Variants in RIN3 observed in about 807,000 individuals in gnomAD.
RIN3 encodes the protein RAB5 interacting protein 3.
In RIN3, 54 loss-of-function variants were observed where a neutral mutation model predicts 76.3. That is an observed-to-expected ratio of 0.71 (90% confidence interval 0.57 to 0.89). The LOEUF (loss-of-function observed/expected upper bound fraction) is 0.89, where lower values mean the gene tolerates loss of function less well. Among genes scored for constraint, RIN3 ranks in the 40% least tolerant of loss-of-function variants. RIN3 has a pLI of 0.00. For synonymous variants in RIN3, 576 were observed against 564.0 expected (o/e 1.02, Z -0.30); for missense variants, 1,256 against 1,322.1 (o/e 0.95, Z 0.78).
At chr14:92,523,391 C>T (rs1199906967) in intron 1 of RIN3, among the ~76,000 whole-genome samples, 3 of 152,216 alleles carry the variant, frequency 2.0e-5, no homozygotes, top group African/African-American at 4.8e-5. Context: ...GGATTACAGG[C>T]GTGAGCCACC....
Position 92,648,243 on chromosome 14 carries a change from C to G in RIN3, c.533-3339C>G, listed in dbSNP as rs1887274686. The stretch of plus-strand genomic sequence containing the variant: ...AGAACTTTGCCCTGCCAGGGTTTGC[C>G]AGGGTGCAAACCCCAGGCCTGTCTT... On this transcript the variant is annotated intron_variant, in intron 5 of 9. Coordinates refer to ENST00000216487, the MANE Select transcript of RIN3 (RefSeq NM_024832.5). The surrounding 1 kb of genome is among the most constrained non-coding windows in gnomAD (Gnocchi z 4.1). Among the ~76,000 whole-genome samples, 1 of 152,112 alleles carries G rather than the reference C, an allele frequency of 6.6e-6. No homozygotes were observed. Among genetic ancestry groups the G allele is most frequent in the Non-Finnish European group, 1.5e-5 (1 of 68,020 alleles).
intron 5 of RIN3, chr14:92,645,197 G>C (rs1250715737): frequency 3.3e-5 from 5 of 152,228 alleles, no homozygotes; most frequent in Admixed American, 6.5e-5. Flanking sequence ...TCTTCATTCA[G>C]ATTGTCCAAG....
chr14:92,639,967 TGTTCGTCGGGGGCTGCCTGACTGTGC>T (rs1216008263), intron 4 of RIN3, among the ~76,000 whole-genome samples: 1 of 148,936 alleles, frequency 6.7e-6, no homozygotes, highest in East Asian at 2.0e-4. Context: ...CCTGACTGTG[TGTTCGTCGGGGGCTGCCTGACTGTGC>T]GTTTGCTGGG....
intron 2 of RIN3, among the ~76,000 whole-genome samples, chr14:92,562,868 G>A (rs940960267): frequency 2.6e-5 from 4 of 152,186 alleles, no homozygotes; most frequent in Admixed American, 2.0e-4. Context: ...TGGAGTGTCA[G>A]TTGCTTCTAG....
chr14:92,584,546 A>G (rs1884696117), intron 3 of RIN3, among the ~76,000 whole-genome samples: 1 of 152,204 alleles, frequency 6.6e-6, no homozygotes, highest in Admixed American at 6.5e-5. Flanking sequence ...TCTGCTGCAC[A>G]AAGGGAACAA....
chr14:92,604,679 T>C (rs751489627), intron 3 of RIN3, among the ~76,000 whole-genome samples: 2 of 152,114 alleles, frequency 1.3e-5, no homozygotes, highest in African/African-American at 2.4e-5. Flanking sequence ...GCATGCATAT[T>C]GAGGCCTTCT....
intron 3 of RIN3, among the ~76,000 whole-genome samples, chr14:92,597,546 G>A (rs1017496292): frequency 9.2e-5 from 14 of 152,158 alleles, no homozygotes; most frequent in African/African-American, 4.8e-5. Flanking sequence ...GTTGAACTTG[G>A]GCAAATTCCT....
intron 7 of RIN3, among the ~76,000 whole-genome samples, chr14:92,664,989 T>C (rs1299844934): frequency 2.0e-5 from 3 of 152,224 alleles, no homozygotes. Flanking sequence ...TAACCTCCTT[T>C]AATTTGGAAT....
chr14:92,621,235 C>CAAAAAAAAAAAAAAAA (rs572318532), intron 4 of RIN3, among the ~76,000 whole-genome samples: 11 of 70,696 alleles, frequency 1.6e-4, no homozygotes, highest in African/African-American at 2.5e-4. Context: ...GACTCCGTCT[C>CAAAAAAAAAAAAAAAA]AAAAAAAAAA....
intron 1 of RIN3, among the ~76,000 whole-genome samples, chr14:92,541,845 G>A (rs568870947): frequency 6.6e-6 from 1 of 152,306 alleles, no homozygotes; most frequent in East Asian, 1.9e-4. Flanking sequence ...TAGAAGTGCA[G>A]TCCATAGAAT....
chr14:92,592,689 ATTG>A (rs1476243269), intron 3 of RIN3, among the ~76,000 whole-genome samples: 68 of 124,996 alleles, frequency 5.4e-4, no homozygotes, highest in African/African-American at 2.0e-3. Flanking sequence ...TATTATTATT[ATTG>A]TGAGACAGAG....
intron 4 of RIN3, among the ~76,000 whole-genome samples, chr14:92,620,261 G>A (rs2140108500): frequency 6.6e-6 from 1 of 152,288 alleles, no homozygotes; most frequent in South Asian, 2.1e-4. Flanking sequence ...CTCTCTGAGT[G>A]GCCCTAGCGA....
intron 3 of RIN3, among the ~76,000 whole-genome samples, chr14:92,591,536 C>T (rs1722803309): frequency 6.6e-6 from 1 of 151,848 alleles, no homozygotes; most frequent in Non-Finnish European, 1.5e-5. Context: ...CCTAGGCATA[C>T]CATTTTCAAA....
chr14:92,521,685 C>G (rs1896601269), intron 1 of RIN3, among the ~76,000 whole-genome samples: 1 of 152,210 alleles, frequency 6.6e-6, no homozygotes, highest in Non-Finnish European at 1.5e-5. Context: ...TCTCATACAG[C>G]CTGCAGAACC....
At position 92,547,087 on chromosome 14, in the gene RIN3, ATT is replaced by A. The variant is rs1566836596; in HGVS notation, c.45-8663_45-8662del. Among the ~76,000 whole-genome samples the A allele has an allele frequency of 8.8e-5, 8 of 90,840 alleles. 2 individuals are homozygous for A. Among genetic ancestry groups the A allele is most frequent in the Non-Finnish European group, 1.2e-4 (5 of 40,810 alleles). The allele number at this position is 90,840 out of a possible 152,430, so 59.6% of individuals were successfully genotyped here. ...TATATTTTATTTTATATTATATTAT[ATT>A]ATATTATAATTAAATAAATTATCTT... On this transcript the variant is annotated intron_variant, in intron 1 of 9. Coordinates refer to ENST00000216487, the MANE Select transcript of RIN3 (RefSeq NM_024832.5).
In RIN3 at chr14:92,669,797, T is replaced by C. The variant is rs147546076; in HGVS notation, c.2336-6678T>C. On this transcript the variant is annotated intron_variant, in intron 7 of 9. Transcript: ENST00000216487. ...CATATCCATACTCAGCATCTAGGGCTGCTTATGTTCTAAGGGCTGAGTTGA... is the reference window on the plus strand; with the variant it reads ...CATATCCATACTCAGCATCTAGGGCCGCTTATGTTCTAAGGGCTGAGTTGA... Among the ~76,000 whole-genome samples, 4 of 152,360 alleles carry C rather than the reference T, an allele frequency of 2.6e-5. No homozygotes were observed. In the East Asian group the frequency reaches 7.7e-4, roughly 29 times the overall value.
intron 2 of RIN3, among the ~76,000 whole-genome samples, chr14:92,569,244 G>A (rs1416270309): frequency 6.6e-6 from 1 of 152,222 alleles, no homozygotes; most frequent in East Asian, 1.9e-4. Flanking sequence ...TCTAGGTGGA[G>A]CCTGAGACCA....
At position 92,577,474 on chromosome 14, in the gene RIN3, T is replaced by C. The variant is rs1566850858; in HGVS notation, c.364T>C (p.Ser122Pro). The change falls in exon 3 of 10, where the codon TCG becomes CCG. Residue 122 changes from serine (S) to proline (P), a missense_variant. Coordinates refer to ENST00000216487, the MANE Select transcript of RIN3 (RefSeq NM_024832.5). ...VLEYTIKEEKSILYLEGSALV... is the reference protein window; with the variant it reads ...VLEYTIKEEKPILYLEGSALV... ...CGAATACACCATTAAGGAAGAAAAG[T>C]CGAGTAAGTACCCATCTTCTCTGTT... 6.2e-7 allele frequency: 1 copy of C among 1,600,232 alleles called. No individual in the cohort carries two copies. The highest frequency in any genetic ancestry group is 8.6e-7 in the Non-Finnish European group (1 of 1,168,032).
At chr14:92,599,183 G>A (rs1019316124) in intron 3 of RIN3, among the ~76,000 whole-genome samples, 4 of 152,146 alleles carry the variant, frequency 2.6e-5, no homozygotes, top group Admixed American at 6.5e-5. Context: ...GAACCCCAGC[G>A]AAGGACATTA....
Sources: allele counts gnomAD v4.1 joint callset (sites outside exome capture counted in the v4.1 genomes callset), GRCh38; gene constraint gnomAD v4.1.1; non-coding constraint Gnocchi (gnomAD v3.1); transcripts MANE v1.5; gene names NCBI Gene and HGNC (gene_info 2026-07-23, HGNC 2026-07-21).